The following PALS2 variants were observed in gnomAD, a reference collection of about 807,000 sequenced individuals.
PALS2 encodes the protein protein associated with LIN7 2, MAGUK p55 family member.
PALS2 carries 27 observed loss-of-function variants against 61.6 expected under a neutral mutation model. The observed-to-expected ratio is 0.44, with a 90% CI of 0.32 to 0.60. The LOEUF (loss-of-function observed/expected upper bound fraction) is 0.60. Ranked by LOEUF, PALS2 falls within the 20% of genes least tolerant of loss-of-function variation. The pLI is 0.05. For missense variants in PALS2, 554 were observed against 639.4 expected (o/e 0.87, Z 1.44); for synonymous variants, 236 against 218.6 (o/e 1.08, Z -0.70).
chr7:24,627,326 C>T (rs146195591), intron 2 of PALS2, among the ~76,000 whole-genome samples: 1 of 152,076 alleles, frequency 6.6e-6, no homozygotes, highest in Admixed American at 6.5e-5. Flanking sequence ...AGATCAAAGA[C>T]ACAATGTACC....
Position 24,585,088 on chromosome 7 carries a change from A to G in PALS2, c.-3+11495A>G, listed in dbSNP as rs576824162. Among the ~76,000 whole-genome samples, 16 of 152,272 alleles carry G rather than the reference A, an allele frequency of 1.1e-4. No individual in the cohort carries two copies. The South Asian group carries it at 3.3e-3, about 32-fold the overall frequency. On this transcript the variant is annotated intron_variant, in intron 1 of 11. Coordinates refer to ENST00000222644, the MANE Select transcript of PALS2 (RefSeq NM_001303037.2). Reference sequence around the variant, plus strand: ...TAGCCTTGTAGTATAGTTTGAAGTCAGGTAGTGTGATGCCTCCAGCTTTGT... The same window carrying G: ...TAGCCTTGTAGTATAGTTTGAAGTCGGGTAGTGTGATGCCTCCAGCTTTGT...
chr7:24,672,196 C>CTGTTTTGTTTTGTTTTGTTT (rs57538997), intron 9 of PALS2, among the ~76,000 whole-genome samples: 46 of 145,196 alleles, frequency 3.2e-4, no homozygotes, highest in South Asian at 1.7e-3. Flanking sequence ...CTACTGCCAT[C>CTGTTTTGTTTTGTTTTGTTT]TGTTTTGTTT....
chr7:24,693,573 A>T lies in PALS2; in HGVS notation c.*5959A>T, dbSNP rs1788573523. On this transcript the variant is annotated 3_prime_UTR_variant, in exon 12 of 12. Coordinates refer to ENST00000222644, the MANE Select transcript of PALS2 (RefSeq NM_001303037.2). ...TTAAAGACATAAAGCTTGTCCTGGT[A>T]AACATGGTCTAAATGAGAAATGCCT... The T allele has an allele frequency of 6.6e-6, 1 of 152,200 alleles. No individual in the cohort carries two copies. The highest frequency in any genetic ancestry group is 6.5e-5 in the Admixed American group (1 of 15,272). 9.4% of individuals were successfully genotyped at this position (152,200 alleles called of 1,614,324 possible). A position where few individuals can be genotyped will look rare whatever the true frequency, so the allele number is the denominator to read the frequency against.
At chr7:24,620,594 A>C (rs564292765) in intron 1 of PALS2, among the ~76,000 whole-genome samples, 20 of 152,294 alleles carry the variant, frequency 1.3e-4, no homozygotes, top group South Asian at 1.0e-3. Flanking sequence ...TGAAAAAAAA[A>C]CAAGCACTTC....
At chr7:24,592,606 C>T (rs1426699933) in intron 1 of PALS2, among the ~76,000 whole-genome samples, 1 of 151,996 alleles carries the variant, frequency 6.6e-6, no homozygotes, top group Non-Finnish European at 1.5e-5. Context: ...ACAGGCATAC[C>T]TCAGAGATAT....
intron 9 of PALS2, among the ~76,000 whole-genome samples, chr7:24,673,218 T>C (rs927846560): frequency 3.9e-5 from 6 of 152,220 alleles, no homozygotes; most frequent in African/African-American, 1.4e-4. Context: ...GATTTTTATA[T>C]ATTGAACCAA....
rs1783959852 is a variant in PALS2 at position 24,607,597 on chromosome 7, GTGTGTA to G, written c.-2-16067_-2-16062del. 3.4e-5 allele frequency among the ~76,000 whole-genome samples: 5 copies of G among 149,246 alleles called. No individual in the cohort carries two copies. In the East Asian group the frequency reaches 7.8e-4, roughly 23 times the overall value. ...TATGTGTGTATATATACATATATGTGTGTGTATATATACATATATATGTGTGTATAT... is the reference window on the plus strand; with the variant it reads ...TATGTGTGTATATATACATATATGTGTATATACATATATATGTGTGTATAT... On this transcript the variant is annotated intron_variant, in intron 1 of 11. Transcript: ENST00000222644.
At chr7:24,587,707 G>A (rs1333396463) in intron 1 of PALS2, among the ~76,000 whole-genome samples, 1 of 151,640 alleles carries the variant, frequency 6.6e-6, no homozygotes, top group Non-Finnish European at 1.5e-5. Context: ...TACGTGGCTT[G>A]ATTCTTATCA....
rs1399210250 is a variant in PALS2, at chr7:24,618,433, A to G, written c.-2-5233A>G. On this transcript the variant is annotated intron_variant, in intron 1 of 11. Coordinates refer to ENST00000222644, the MANE Select transcript of PALS2 (RefSeq NM_001303037.2). The surrounding 1 kb of genome is among the most constrained non-coding windows in gnomAD (Gnocchi z 5.1). The stretch of plus-strand genomic sequence containing the variant: ...AACAACTCCTAGGCTGGAAAAGTGC[A>G]GGGTGTACTTCAGAAATGGTTCTGG... Among the ~76,000 whole-genome samples the G allele has an allele frequency of 1.4e-4, 22 of 152,226 alleles. No individual in the cohort carries two copies. The highest frequency in any genetic ancestry group is 1.4e-3 in the Admixed American group (22 of 15,286).
intron 1 of PALS2, among the ~76,000 whole-genome samples, chr7:24,583,285 C>A (rs1461412403): frequency 6.6e-6 from 1 of 152,010 alleles, no homozygotes; most frequent in Non-Finnish European, 1.5e-5. Context: ...AATGTAAGCC[C>A]TATTTTTAAA....
At chr7:24,579,538 A>T (rs1295452242) in intron 1 of PALS2, among the ~76,000 whole-genome samples, 1 of 152,142 alleles carries the variant, frequency 6.6e-6, no homozygotes, top group Non-Finnish European at 1.5e-5. Flanking sequence ...TTTGAGTGGT[A>T]TTTAGTTACC....
rs1788250105 is a variant in PALS2, at chr7:24,687,245, G to GTTTACATTTA, written c.1447-192_1447-191insTTACATTTAT. On this transcript the variant is annotated intron_variant, in intron 11 of 11. Coordinates refer to ENST00000222644, the MANE Select transcript of PALS2 (RefSeq NM_001303037.2). This position sits in a 1 kb window ranked among gnomAD's most constrained non-coding sequence, Gnocchi z 4.5. The stretch of plus-strand genomic sequence containing the variant: ...AGAATACTCATAAATGTAAACATGA[G>GTTTACATTTA]TGTTGTTGGAAAGAATAAGACATGA... Among the ~76,000 whole-genome samples the GTTTACATTTA allele has an allele frequency of 6.6e-6, 1 of 152,196 alleles. No individual in the cohort carries two copies. The highest frequency in any genetic ancestry group is 2.1e-4 in the South Asian group (1 of 4,830).
chr7:24,628,143 G>T (rs1437929023), intron 2 of PALS2, among the ~76,000 whole-genome samples: 1 of 152,196 alleles, frequency 6.6e-6, no homozygotes. Context: ...ACCGAATCCA[G>T]CAGCACATTA....
rs544951971 is a variant in PALS2, at chr7:24,615,752, C to T, written c.-2-7914C>T. On this transcript the variant is annotated intron_variant, in intron 1 of 11. Coordinates refer to ENST00000222644, the MANE Select transcript of PALS2 (RefSeq NM_001303037.2). The stretch of plus-strand genomic sequence containing the variant: ...TGATACCAAAACCAGACAAGGACAT[C>T]ACACAAAAAGAAAACTACAGACCAA... 2.6e-5 allele frequency among the ~76,000 whole-genome samples: 4 copies of T among 152,018 alleles called. No homozygotes were observed. The South Asian group carries it at 8.3e-4, about 32-fold the overall frequency.
At chr7:24,590,463 G>T (rs1339038537) in intron 1 of PALS2, among the ~76,000 whole-genome samples, 2 of 152,212 alleles carry the variant, frequency 1.3e-5, no homozygotes, top group Admixed American at 1.3e-4. Context: ...TGCTTGGGGT[G>T]TTCTGAACTA....
chr7:24,657,274 T>C (rs1021292857), intron 5 of PALS2, among the ~76,000 whole-genome samples: 1 of 152,200 alleles, frequency 6.6e-6, no homozygotes, highest in African/African-American at 2.4e-5. Context: ...GTTGTACTTT[T>C]GAAGAAATGA....
chr7:24,586,382 C>G (rs905083985), intron 1 of PALS2, among the ~76,000 whole-genome samples: 1 of 152,088 alleles, frequency 6.6e-6, no homozygotes, highest in Non-Finnish European at 1.5e-5. Context: ...AGTTCAGGGA[C>G]TCATTTTAGC....
chr7:24,586,565 G>T (rs1783071848), intron 1 of PALS2, among the ~76,000 whole-genome samples: 1 of 152,168 alleles, frequency 6.6e-6, no homozygotes, highest in African/African-American at 2.4e-5. Flanking sequence ...AATGTGGTTA[G>T]AACAGAGAGT....
intron 1 of PALS2, among the ~76,000 whole-genome samples, chr7:24,603,956 CG>C (rs1783803644): frequency 6.6e-6 from 1 of 151,988 alleles, no homozygotes; most frequent in Non-Finnish European, 1.5e-5. Flanking sequence ...GAGTCATCAT[CG>C]GGAAAAATAG....
Sources: allele counts gnomAD v4.1 joint callset (sites outside exome capture counted in the v4.1 genomes callset), GRCh38; gene constraint gnomAD v4.1.1; non-coding constraint Gnocchi (gnomAD v3.1); transcripts MANE v1.5; gene names NCBI Gene and HGNC (gene_info 2026-07-23, HGNC 2026-07-21).